Variants in CNTN5 observed in about 807,000 individuals in gnomAD.
CNTN5 encodes the protein contactin 5, also known as contactin-5.
Under a neutral mutation model 129.1 loss-of-function variants are expected in CNTN5, and 77 were observed. The observed-to-expected ratio is 0.60, with a 90% CI of 0.50 to 0.72. The LOEUF (loss-of-function observed/expected upper bound fraction) is 0.72, where lower values mean the gene tolerates loss of function less well. Ranked by LOEUF, CNTN5 falls within the 30% of genes least tolerant of loss-of-function variation. The pLI, the probability that CNTN5 is intolerant of heterozygous loss-of-function variation, is 0.00. For missense variants in CNTN5, 1,478 were observed against 1,328.8 expected, an observed-to-expected ratio of 1.11 and a Z score of -1.75; for synonymous variants, 509 against 465.6, an observed-to-expected ratio of 1.09 and a Z score of -1.20.
chr11:99,140,543 G>A (rs779766342), intron 1 of CNTN5, among the ~76,000 whole-genome samples: 1 of 151,868 alleles, frequency 6.6e-6, no homozygotes, highest in African/African-American at 2.4e-5. Context: ...GAATGAATCT[G>A]GTACGAATAG....
chr11:99,536,309 T>G (rs1055058711), intron 2 of CNTN5, among the ~76,000 whole-genome samples: 1 of 152,140 alleles, frequency 6.6e-6, no homozygotes, highest in African/African-American at 2.4e-5. Flanking sequence ...TTTTAAATAC[T>G]AAAGTTTCCT....
chr11:100,000,864 C>T (rs1240622951), intron 8 of CNTN5, among the ~76,000 whole-genome samples: 1 of 152,202 alleles, frequency 6.6e-6, no homozygotes, highest in African/African-American at 2.4e-5. Context: ...GCTTGCACCT[C>T]TGAAGCAATG....
intron 13 of CNTN5, among the ~76,000 whole-genome samples, chr11:100,154,886 G>GT (rs1192021186): frequency 6.6e-6 from 1 of 151,800 alleles, no homozygotes; most frequent in Non-Finnish European, 1.5e-5. Context: ...TTGTAAATTT[G>GT]TTTGAGTTCT....
At chr11:99,463,859 C>T (rs148961473) in intron 2 of CNTN5, among the ~76,000 whole-genome samples, 2,113 of 152,002 alleles carry the variant, frequency 0.014, 52 homozygotes, top group African/African-American at 0.048. Context: ...TTCAGAAGCT[C>T]GTCTTATATA....
At chr11:99,477,650 C>G (rs1011326880) in intron 2 of CNTN5, among the ~76,000 whole-genome samples, 1 of 151,146 alleles carries the variant, frequency 6.6e-6, no homozygotes, top group Non-Finnish European at 1.5e-5. Flanking sequence ...AAATAATAAC[C>G]CTTCAAGGAA....
At chr11:99,875,553 G>A (rs1037476006) in intron 6 of CNTN5, among the ~76,000 whole-genome samples, 2 of 151,950 alleles carry the variant, frequency 1.3e-5, no homozygotes, top group Non-Finnish European at 2.9e-5. Flanking sequence ...GTGTACATTC[G>A]TAGTTCTGTG....
At chr11:99,447,732 C>T (rs1432943828) in intron 2 of CNTN5, among the ~76,000 whole-genome samples, 2 of 152,162 alleles carry the variant, frequency 1.3e-5, no homozygotes, top group Non-Finnish European at 2.9e-5. Context: ...CGAGACCAGC[C>T]TGGCCAACAT....
At chr11:99,095,865 T>G (rs1305179830) in intron 1 of CNTN5, among the ~76,000 whole-genome samples, 1 of 151,904 alleles carries the variant, frequency 6.6e-6, no homozygotes, top group Non-Finnish European at 1.5e-5. Context: ...TTGAGAGACA[T>G]GATGTGATTT....
chr11:99,851,593 A>G (rs1168503919), intron 6 of CNTN5, among the ~76,000 whole-genome samples: 1 of 152,250 alleles, frequency 6.6e-6, no homozygotes, highest in Non-Finnish European at 1.5e-5. Flanking sequence ...TGAATCAGGA[A>G]TAAAATCTCC....
chr11:99,997,743 G>A (rs1275503707), intron 8 of CNTN5, among the ~76,000 whole-genome samples: 1 of 152,008 alleles, frequency 6.6e-6, no homozygotes, highest in East Asian at 1.9e-4. Context: ...GAACATTGAT[G>A]CAAAAATCCT....
intron 1 of CNTN5, among the ~76,000 whole-genome samples, chr11:99,199,558 C>T (rs1349987590): frequency 6.6e-6 from 1 of 152,160 alleles, no homozygotes; most frequent in African/African-American, 2.4e-5. Flanking sequence ...GGGCATGGCT[C>T]CAAGCCATGG....
At chr11:100,212,783 C>T (rs1374579609) in intron 15 of CNTN5, among the ~76,000 whole-genome samples, 1 of 151,964 alleles carries the variant, frequency 6.6e-6, no homozygotes, top group East Asian at 1.9e-4. Context: ...ATATAATGTC[C>T]AATAACTTGA....
intron 2 of CNTN5, among the ~76,000 whole-genome samples, chr11:99,506,045 C>G (rs1385338264): frequency 6.6e-6 from 1 of 152,192 alleles, no homozygotes; most frequent in Non-Finnish European, 1.5e-5. Flanking sequence ...AGGAGGTAAT[C>G]CCTCACCTTA....
intron 13 of CNTN5, among the ~76,000 whole-genome samples, chr11:100,181,374 A>T (rs1342187692): frequency 2.0e-5 from 3 of 151,958 alleles, no homozygotes; most frequent in African/African-American, 7.2e-5. Context: ...TAATATTATA[A>T]ATGGAGAGAA....
intron 1 of CNTN5, among the ~76,000 whole-genome samples, chr11:99,071,940 G>C (rs1331074770): frequency 7.4e-6 from 1 of 134,718 alleles, no homozygotes; most frequent in African/African-American, 2.8e-5. Flanking sequence ...CTATTCACTG[G>C]TGAATACAAT....
At chr11:99,961,206 G>GGAAA (rs1555167360) in intron 8 of CNTN5, among the ~76,000 whole-genome samples, 1 of 95,720 alleles carries the variant, frequency 1.0e-5, no homozygotes, top group Non-Finnish European at 2.0e-5. Flanking sequence ...CTCCGTCTCA[G>GGAAA]AAAAAAAAAA....
chr11:99,452,625 G>A (rs998655603), intron 2 of CNTN5, among the ~76,000 whole-genome samples: 2 of 151,882 alleles, frequency 1.3e-5, no homozygotes, highest in Non-Finnish European at 2.9e-5. Context: ...GCCCGCCCTT[G>A]GCCTCCCAAA....
At chr11:100,272,822 C>G (rs1196841923) in intron 18 of CNTN5, among the ~76,000 whole-genome samples, 1 of 152,130 alleles carries the variant, frequency 6.6e-6, no homozygotes, top group Non-Finnish European at 1.5e-5. Context: ...CTCTGGAACC[C>G]CAGCAGAAGG....
rs114289291 is a variant in CNTN5 at position 99,508,461 on chromosome 11, C to T, written c.-70-47684C>T. ...GGGTTGTTGACTGAGTACACCGATG[C>T]AGAGCCACACATACTGAGTGCTGGC... is the stretch of plus-strand genomic sequence containing the variant. On this transcript the variant is annotated intron_variant, in intron 2 of 24. Transcript: ENST00000524871. Among the ~76,000 whole-genome samples, 948 of 152,226 alleles carry T rather than the reference C, an allele frequency of 6.2e-3. 9 individuals carry two copies. Among genetic ancestry groups the T allele is most frequent in the African/African-American group, 0.021 (892 of 41,538 alleles).
Sources: allele counts gnomAD v4.1 joint callset (sites outside exome capture counted in the v4.1 genomes callset), GRCh38; gene constraint gnomAD v4.1.1; transcripts MANE v1.5; gene names NCBI Gene and HGNC (gene_info 2026-07-23, HGNC 2026-07-21).